WDR41: variants seen among roughly 807,000 people sequenced by gnomAD.
WDR41 encodes the protein WD repeat-containing protein 41.
WDR41 carries 63 observed loss-of-function variants against 69.3 expected under a neutral mutation model. The ratio of observed to expected loss-of-function variants is 0.91; its 90% CI spans 0.74 to 1.12. The LOEUF (loss-of-function observed/expected upper bound fraction) is 1.12, where lower values mean the gene tolerates loss of function less well. Ranked by LOEUF, WDR41 falls within the 50% of genes most tolerant of loss-of-function variation. The pLI, the probability that WDR41 is intolerant of heterozygous loss-of-function variation, is 0.00. For missense variants in WDR41, 543 were observed against 534.5 expected, an observed-to-expected ratio of 1.02 and a Z score of -0.16; for synonymous variants, 185 against 192.1, an observed-to-expected ratio of 0.96 and a Z score of 0.31.
chr5:77,592,153 T>A (rs974772259), intron 1 of WDR41, among the ~76,000 whole-genome samples: 4 of 152,156 alleles, frequency 2.6e-5, no homozygotes, highest in Admixed American at 1.3e-4. Context: ...TGTCACCAGG[T>A]TTCTTGTGTA....
intron 1 of WDR41, among the ~76,000 whole-genome samples, chr5:77,498,796 G>A (rs1293843936): frequency 6.7e-6 from 1 of 149,112 alleles, no homozygotes; most frequent in Non-Finnish European, 1.5e-5. Flanking sequence ...TTCAGCCTGG[G>A]TGACAGAGTA....
upstream of WDR41, chr5:77,492,323 C>G (rs1161249833): frequency 6.8e-7 from 1 of 1,464,840 alleles, no homozygotes; most frequent in African/African-American, 1.4e-5. Flanking sequence ...AACTGAGACG[C>G]TAATACTTCC....
At chr5:77,606,905 G>GAAAAA (rs1195622632) in intron 1 of WDR41, among the ~76,000 whole-genome samples, 1 of 85,648 alleles carries the variant, frequency 1.2e-5, no homozygotes, top group African/African-American at 3.7e-5. Context: ...CAATGAAAAA[G>GAAAAA]AAAAAAAAAA....
chr5:77,602,053 T>G (rs1744331954), intron 1 of WDR41, among the ~76,000 whole-genome samples: 1 of 152,168 alleles, frequency 6.6e-6, no homozygotes, highest in Non-Finnish European at 1.5e-5. Context: ...ACATTACAAC[T>G]TATTCTTTCT....
chr5:77,433,084 C>T lies in WDR41; in HGVS notation c.*51G>A. 2 of 1,532,536 alleles carry T rather than the reference C, an allele frequency of 1.3e-6. No homozygotes were observed. The highest frequency in any genetic ancestry group is 1.8e-6 in the Non-Finnish European group (2 of 1,137,660). The allele number at this position is 1,532,536 out of a possible 1,614,324, so 94.9% of individuals were successfully genotyped here. On this transcript the variant is annotated 3_prime_UTR_variant, in exon 13 of 13. Coordinates refer to ENST00000296679, the MANE Select transcript of WDR41 (RefSeq NM_018268.4). ...TATATTAATGGTTTTCAGAGTAGTACCCGATATTTGATGTTCAAGGTTCAT... is the reference window on the plus strand; with the variant it reads ...TATATTAATGGTTTTCAGAGTAGTATCCGATATTTGATGTTCAAGGTTCAT...
chr5:77,436,111 A>G, intron 12 of WDR41, 150 bp downstream of exon 12: 4 of 949,512 alleles, frequency 4.2e-6, no homozygotes, highest in Non-Finnish European at 5.8e-6. Flanking sequence ...AACTGCACAT[A>G]CTATAGCCTA....
At chr5:77,445,410 C>G (rs538486850) in intron 8 of WDR41, among the ~76,000 whole-genome samples, 90 of 152,204 alleles carry the variant, frequency 5.9e-4, no homozygotes, top group Non-Finnish European at 1.1e-3. Flanking sequence ...GAGGGACTTC[C>G]TAATTCATTT....
intron 1 of WDR41, among the ~76,000 whole-genome samples, chr5:77,533,736 C>T (rs1234992899): frequency 6.6e-6 from 1 of 152,288 alleles, no homozygotes; most frequent in East Asian, 1.9e-4. Context: ...AAATAATATA[C>T]TAATATTGTT....
At chr5:77,458,757 C>G (rs1799928108) in intron 5 of WDR41, 1 of 205,510 alleles carries the variant, frequency 4.9e-6, no homozygotes, top group Admixed American at 5.9e-5. Context: ...AGACCAGCTA[C>G]TATTATGGTC....
intron 1 of WDR41, among the ~76,000 whole-genome samples, chr5:77,509,639 T>C (rs766647780): frequency 4.6e-5 from 7 of 152,142 alleles, no homozygotes; most frequent in Non-Finnish European, 7.4e-5. Context: ...AAGTCCAGAA[T>C]AGGGAATCTA....
At chr5:77,484,330 C>T (rs547256928) in intron 2 of WDR41, among the ~76,000 whole-genome samples, 7 of 152,136 alleles carry the variant, frequency 4.6e-5, no homozygotes, top group Non-Finnish European at 7.3e-5. Context: ...CGAAATTCCC[C>T]GCTTGATTCA....
upstream of WDR41, among the ~76,000 whole-genome samples, chr5:77,496,597 G>C (rs901822756): frequency 1.3e-5 from 2 of 151,980 alleles, no homozygotes; most frequent in Admixed American, 6.6e-5. Context: ...ACAAAACATT[G>C]CTGAAAGAAA....
chr5:77,495,676 A>T (rs163019), upstream of WDR41, among the ~76,000 whole-genome samples: 73,507 of 151,754 alleles, frequency 0.48, 18,323 homozygotes, highest in African/African-American at 0.59. Context: ...TTACTGATGA[A>T]TCTACCAAAC....
At chr5:77,518,425 T>G (rs1022592450) in intron 1 of WDR41, among the ~76,000 whole-genome samples, 3 of 152,070 alleles carry the variant, frequency 2.0e-5, no homozygotes, top group African/African-American at 7.2e-5. Context: ...AAGGGAAAAA[T>G]AAATGGTAAT....
At chr5:77,473,105 A>C (rs1364768652) in intron 2 of WDR41, among the ~76,000 whole-genome samples, 2 of 152,176 alleles carry the variant, frequency 1.3e-5, no homozygotes, top group African/African-American at 2.4e-5. Context: ...GATATAGACC[A>C]ATGGAATAGA....
chr5:77,513,472 A>T (rs887415221), intron 1 of WDR41, among the ~76,000 whole-genome samples: 1 of 152,172 alleles, frequency 6.6e-6, no homozygotes, highest in Non-Finnish European at 1.5e-5. Flanking sequence ...ATAGCCACAG[A>T]TCCTGCCTTT....
intron 1 of WDR41, among the ~76,000 whole-genome samples, chr5:77,571,394 G>T (rs1372747899): frequency 1.3e-5 from 2 of 152,006 alleles, no homozygotes; most frequent in Non-Finnish European, 2.9e-5. Flanking sequence ...CCAGGAAAAA[G>T]AACAGGAGGA....
In WDR41 at chr5:77,433,176, G is replaced by T; in HGVS notation, c.1339C>A (p.Gln447Lys). 7.4e-6 allele frequency: 12 copies of T among 1,613,360 alleles called. No individual in the cohort carries two copies. Among genetic ancestry groups the T allele is most frequent in the Non-Finnish European group, 1.0e-5 (12 of 1,179,778 alleles). ...ESGLRSLRLF[Q>K]KLEENGDLYL... ...AAGTCACCATTCTCCTCTAATTTTT[G>T]AAATAATCTTAAACTGCGCAATCCA... Residue 447 changes from glutamine to lysine, a missense_variant, in exon 13 of 13, where the codon CAA (glutamine) becomes AAA (lysine). Coordinates refer to ENST00000296679, the MANE Select transcript of WDR41 (RefSeq NM_018268.4).
At chr5:77,609,634 A>T (rs1212252813) in intron 1 of WDR41, among the ~76,000 whole-genome samples, 1 of 152,220 alleles carries the variant, frequency 6.6e-6, no homozygotes, top group Non-Finnish European at 1.5e-5. Context: ...CAGAAAGGAC[A>T]TCCACACCAA....
Sources: gnomAD v4.1 joint callset for allele counts (sites outside exome capture counted in the v4.1 genomes callset) on GRCh38, gnomAD v4.1.1 for gene constraint, MANE v1.5 for transcripts, NCBI Gene and HGNC (gene_info 2026-07-23, HGNC 2026-07-21) for gene names.